Variants in PPFIA2 observed in about 807,000 individuals in gnomAD.
PPFIA2 encodes PPFI scaffold protein A2.
In PPFIA2, 46 loss-of-function variants were observed where a neutral mutation model predicts 175.5. That is an observed-to-expected ratio of 0.26 (90% CI 0.21 to 0.34). The LOEUF (loss-of-function observed/expected upper bound fraction) is 0.34. Ranked by LOEUF, PPFIA2 falls within the 10% of genes least tolerant of loss-of-function variation. The pLI, the probability that PPFIA2 is intolerant of heterozygous loss-of-function variation, is 1.00. For missense variants in PPFIA2, 1,179 were observed against 1,506.1 expected (o/e 0.78, Z 3.60); for synonymous variants, 568 against 511.4 (o/e 1.11, Z -1.49).
intron 11 of PPFIA2, chr12:81,369,557 T>A: frequency 1.5e-6 from 1 of 678,870 alleles, no homozygotes; most frequent in Non-Finnish European, 1.9e-6. Flanking sequence ...ATAATTTTTA[T>A]AAATGAAAAG....
intron 4 of PPFIA2, among the ~76,000 whole-genome samples, chr12:81,667,432 C>T (rs1396702196): frequency 2.0e-5 from 3 of 152,052 alleles, no homozygotes; most frequent in African/African-American, 4.8e-5. Flanking sequence ...CCCATTACTC[C>T]TCCATTCTAA....
chr12:81,413,590 G>A (rs2044387872), intron 7 of PPFIA2, among the ~76,000 whole-genome samples: 1 of 151,752 alleles, frequency 6.6e-6, no homozygotes, highest in African/African-American at 2.4e-5. Flanking sequence ...TTTAATGAAA[G>A]TCATCAAGAG....
chr12:81,530,776 T>C (rs954746075), intron 4 of PPFIA2, among the ~76,000 whole-genome samples: 42 of 150,656 alleles, frequency 2.8e-4, no homozygotes, highest in African/African-American at 1.0e-3. Context: ...CATTATATAA[T>C]ATATGTGTTT....
chr12:81,457,172 T>A (rs1034286677), intron 5 of PPFIA2, among the ~76,000 whole-genome samples: 2 of 151,842 alleles, frequency 1.3e-5, no homozygotes, highest in Non-Finnish European at 2.9e-5. Flanking sequence ...ATAGTAGAAA[T>A]GGGGTTTCAC....
intron 8 of PPFIA2, among the ~76,000 whole-genome samples, chr12:81,402,912 C>T (rs144825079): frequency 6.6e-6 from 1 of 152,244 alleles, no homozygotes; most frequent in African/African-American, 2.4e-5. Flanking sequence ...TTTATTGGAA[C>T]ATCCTGAGAA....
intron 32 of PPFIA2, chr12:81,260,040 A>C (rs2034863243): frequency 6.2e-6 from 1 of 162,072 alleles, no homozygotes; most frequent in African/African-American, 2.4e-5. Flanking sequence ...TAGAGTTCTT[A>C]AAAAATACCT....
intron 4 of PPFIA2, among the ~76,000 whole-genome samples, chr12:81,529,360 G>A (rs1313077841): frequency 1.3e-5 from 2 of 151,908 alleles, no homozygotes; most frequent in Admixed American, 1.3e-4. Context: ...AGCATCAAGT[G>A]ATAAAGTAAT....
intron 3 of PPFIA2, among the ~76,000 whole-genome samples, chr12:81,705,449 T>A (rs1596571689): frequency 1.9e-5 from 2 of 106,940 alleles, no homozygotes; most frequent in African/African-American, 3.7e-5. Flanking sequence ...AGAACAAGAC[T>A]AGGTCTCAAA....
chr12:81,573,853 T>C (rs1183496617), intron 4 of PPFIA2, among the ~76,000 whole-genome samples: 1 of 151,966 alleles, frequency 6.6e-6, no homozygotes, highest in Non-Finnish European at 1.5e-5. Context: ...TCCAAGGTCC[T>C]ACTGTGGTCA....
Position 81,303,780 on chromosome 12 carries a change from ACT to A in PPFIA2, c.2643-4400_2643-4399del, listed in dbSNP as rs1288754626. 2.0e-5 allele frequency among the ~76,000 whole-genome samples: 3 copies of A among 152,274 alleles called. No individual in the cohort carries two copies. In the East Asian group the frequency reaches 5.8e-4, roughly 29 times the overall value. ...GGGTGTGCAGTCAAGAAATGACGAG[ACT>A]CAAAAATTTCTAGATAAAAGACCAA... On this transcript the variant is annotated intron_variant, in intron 22 of 32. Transcript: ENST00000549396.
intron 24 of PPFIA2, among the ~76,000 whole-genome samples, chr12:81,294,198 C>T (rs1233387304): frequency 3.3e-5 from 5 of 152,092 alleles, no homozygotes. Context: ...ACAACGTTCA[C>T]TATTTGGGTG....
intron 7 of PPFIA2, among the ~76,000 whole-genome samples, chr12:81,407,532 TA>T (rs2043164700): frequency 6.6e-6 from 1 of 151,936 alleles, no homozygotes; most frequent in African/African-American, 2.4e-5. Flanking sequence ...TAAAATACTT[TA>T]AAATTTTGTT....
intron 4 of PPFIA2, among the ~76,000 whole-genome samples, chr12:81,577,614 T>C (rs76435695): frequency 0.01 from 1,568 of 151,960 alleles, 29 homozygotes; most frequent in African/African-American, 0.033. Context: ...GTGAAAGATA[T>C]TGATGCCTTA....
intron 3 of PPFIA2, among the ~76,000 whole-genome samples, chr12:81,744,525 C>A (rs113150941): frequency 6.6e-6 from 1 of 150,680 alleles, no homozygotes; most frequent in Non-Finnish European, 1.5e-5. Context: ...CGGGTTCAAG[C>A]GATTCTCCTG....
rs541163313 is a variant in PPFIA2 at position 81,322,917 on chromosome 12, GA to G, written c.2642+2859del. ...ACTAATGCCTGGATCAGAAAACAAA[GA>G]AAAAGTAGGATTAAAGTAGGAAAAC... On this transcript the variant is annotated intron_variant, in intron 22 of 32. Coordinates refer to ENST00000549396, the MANE Select transcript of PPFIA2 (RefSeq NM_003625.5). 1.8e-4 allele frequency among the ~76,000 whole-genome samples: 28 copies of G among 152,164 alleles called. No homozygotes were observed. The South Asian group carries it at 5.8e-3, about 31-fold the overall frequency.
chr12:81,613,424 T>C (rs2061131723), intron 4 of PPFIA2, among the ~76,000 whole-genome samples: 1 of 152,186 alleles, frequency 6.6e-6, no homozygotes, highest in Non-Finnish European at 1.5e-5. Flanking sequence ...AGTGCACTTT[T>C]GTTGTTAAAT....
chr12:81,448,701 A>G (rs1465345903), intron 5 of PPFIA2, among the ~76,000 whole-genome samples: 1 of 152,150 alleles, frequency 6.6e-6, no homozygotes, highest in Non-Finnish European at 1.5e-5. Context: ...CCATGTCCCC[A>G]CAACAGGGGT....
chr12:81,325,762 A>G lies in PPFIA2; in HGVS notation c.2642+15T>C. The G allele has an allele frequency of 6.3e-7, 1 of 1,594,180 alleles. No individual in the cohort carries two copies. The highest frequency in any genetic ancestry group is 8.6e-7 in the Non-Finnish European group (1 of 1,163,106). The stretch of plus-strand genomic sequence containing the variant: ...GATAAAAGTTAGAAAAAGAGGGAAA[A>G]ATCCCCAAACCTACTTTTTCTTTAG... On this transcript the variant is annotated intron_variant, in intron 22 of 32. Transcript: ENST00000549396.
At chr12:81,471,492 T>C (rs889542342) in intron 4 of PPFIA2, among the ~76,000 whole-genome samples, 1 of 147,058 alleles carries the variant, frequency 6.8e-6, no homozygotes, top group African/African-American at 2.5e-5. Flanking sequence ...TTTTCAAGGG[T>C]GAATAATTTT....
Sources: allele counts gnomAD v4.1 joint callset (sites outside exome capture counted in the v4.1 genomes callset), GRCh38; gene constraint gnomAD v4.1.1; transcripts MANE v1.5; gene names NCBI Gene and HGNC (gene_info 2026-07-23, HGNC 2026-07-21).